The following OLFM3 variants were observed in gnomAD, a reference collection of about 807,000 sequenced individuals.
OLFM3 encodes the protein olfactomedin 3.
Under a neutral mutation model 48.6 loss-of-function variants are expected in OLFM3, and 20 were observed. The ratio of observed to expected loss-of-function variants is 0.41; its 90% CI spans 0.29 to 0.60. The LOEUF (loss-of-function observed/expected upper bound fraction) is 0.60, where lower values mean the gene tolerates loss of function less well. Ranked by LOEUF, OLFM3 falls within the 20% of genes least tolerant of loss-of-function variation. The pLI is 0.28. For synonymous variants in OLFM3, 222 were observed against 198.1 expected, an observed-to-expected ratio of 1.12 and a Z score of -1.01; for missense variants, 437 against 544.3, an observed-to-expected ratio of 0.80 and a Z score of 1.96.
At chr1:101,970,512 C>T (rs1660752099) in intron 1 of OLFM3, among the ~76,000 whole-genome samples, 1 of 152,138 alleles carries the variant, frequency 6.6e-6, no homozygotes, top group South Asian at 2.1e-4. Context: ...ATCTTTTCCC[C>T]CTTCTTTCCT....
chr1:101,813,883 C>T (rs1654199461), intron 4 of OLFM3, among the ~76,000 whole-genome samples: 1 of 152,072 alleles, frequency 6.6e-6, no homozygotes, highest in Admixed American at 6.6e-5. Flanking sequence ...GTTAATGTCC[C>T]AAAGCATTAA....
At chr1:101,807,796 A>G (rs1653851243) in intron 4 of OLFM3, among the ~76,000 whole-genome samples, 1 of 151,818 alleles carries the variant, frequency 6.6e-6, no homozygotes, top group Non-Finnish European at 1.5e-5. Flanking sequence ...TCAAATCAGT[A>G]AAACTGGACC....
chr1:101,921,669 A>AT, intron 1 of OLFM3, among the ~76,000 whole-genome samples: 1 of 152,306 alleles, frequency 6.6e-6, no homozygotes, highest in South Asian at 2.1e-4. Context: ...TTACAACAAA[A>AT]TTTTTTGAGC....
chr1:101,911,651 C>T (rs1658763420), intron 1 of OLFM3, among the ~76,000 whole-genome samples: 1 of 152,158 alleles, frequency 6.6e-6, no homozygotes, highest in Non-Finnish European at 1.5e-5. Context: ...ATGAGCTTTA[C>T]ACATACAGTT....
Position 101,996,889 on chromosome 1 carries a change from C to T in OLFM3, c.-73G>A. 6.7e-7 allele frequency: 1 copy of T among 1,494,264 alleles called. No individual in the cohort carries two copies. 92.6% of individuals were successfully genotyped at this position (1,494,264 alleles called of 1,614,324 possible). ...CCACTCACTGCAGAGACCTTTCCCTCGTCAGTTGCACTTTCTGCCTGCCAG... is the reference window on the plus strand; with the variant it reads ...CCACTCACTGCAGAGACCTTTCCCTTGTCAGTTGCACTTTCTGCCTGCCAG... On this transcript the variant is annotated 5_prime_UTR_variant, in exon 1 of 6. Coordinates refer to ENST00000370103, the MANE Select transcript of OLFM3 (RefSeq NM_058170.4).
chr1:101,958,385 T>C (rs980933969), intron 1 of OLFM3, among the ~76,000 whole-genome samples: 3 of 152,112 alleles, frequency 2.0e-5, no homozygotes, highest in Admixed American at 6.6e-5. Context: ...ACTGATGTTA[T>C]TGATCCTGTT....
chr1:101,853,193 C>G (rs1289370327), intron 1 of OLFM3, among the ~76,000 whole-genome samples: 2 of 152,026 alleles, frequency 1.3e-5, no homozygotes, highest in Admixed American at 6.6e-5. Context: ...CAGCTCTCCC[C>G]TTTGTTAACT....
chr1:101,835,639 T>C lies in OLFM3; in HGVS notation c.216+1240A>G, dbSNP rs374323304. 3.9e-5 allele frequency among the ~76,000 whole-genome samples: 6 copies of C among 152,166 alleles called. No individual in the cohort carries two copies. In the South Asian group the frequency reaches 1.0e-3, roughly 26 times the overall value. ...CTTGTCATGGTTTCTAATAGTTAGA[T>C]GCATGTTAGCTGAAGTCATTATTCT... On this transcript the variant is annotated intron_variant, in intron 2 of 5. Coordinates refer to ENST00000370103, the MANE Select transcript of OLFM3 (RefSeq NM_058170.4).
chr1:101,834,465 C>G (rs1454196874), intron 2 of OLFM3, among the ~76,000 whole-genome samples: 1 of 152,132 alleles, frequency 6.6e-6, no homozygotes. Context: ...GCTTAAAGGT[C>G]ATGCTCTTGT....
At position 101,996,873 on chromosome 1, in the gene OLFM3, G is replaced by C; in HGVS notation, c.-57C>G. 1 of 1,558,400 alleles carries C rather than the reference G, an allele frequency of 6.4e-7. No homozygotes were observed. ...CTTTTATGTAGGCTCTCCACTCACTGCAGAGACCTTTCCCTCGTCAGTTGC... is the reference window on the plus strand; with the variant it reads ...CTTTTATGTAGGCTCTCCACTCACTCCAGAGACCTTTCCCTCGTCAGTTGC... On this transcript the variant is annotated 5_prime_UTR_variant, in exon 1 of 6. Transcript: ENST00000370103.
intron 1 of OLFM3, among the ~76,000 whole-genome samples, chr1:101,943,566 A>T (rs1248557414): frequency 6.6e-6 from 1 of 152,224 alleles, no homozygotes; most frequent in Admixed American, 6.5e-5. Flanking sequence ...AATTAGAGAG[A>T]AACGTGATGA....
intron 1 of OLFM3, among the ~76,000 whole-genome samples, chr1:101,858,005 C>T (rs1570568211): frequency 6.6e-6 from 1 of 152,018 alleles, no homozygotes; most frequent in Non-Finnish European, 1.5e-5. Context: ...TCACAATTTA[C>T]ATTTTATTGC....
At chr1:101,862,955 T>C (rs1009745827) in intron 1 of OLFM3, among the ~76,000 whole-genome samples, 3 of 152,058 alleles carry the variant, frequency 2.0e-5, no homozygotes, top group African/African-American at 7.2e-5. Context: ...TCAAGTTGAA[T>C]ACCTTCAGTA....
intron 1 of OLFM3, among the ~76,000 whole-genome samples, chr1:101,934,982 G>A (rs987378177): frequency 1.3e-5 from 2 of 151,928 alleles, no homozygotes; most frequent in African/African-American, 4.8e-5. Context: ...TTAAGAGGGG[G>A]AGTTTATGGC....
chr1:101,866,474 C>T (rs1268789911), intron 1 of OLFM3, among the ~76,000 whole-genome samples: 2 of 151,696 alleles, frequency 1.3e-5, no homozygotes, highest in East Asian at 3.9e-4. Context: ...TGATTAGTAC[C>T]TTAATTTAAA....
intron 1 of OLFM3, among the ~76,000 whole-genome samples, chr1:101,838,538 T>C (rs9324336): frequency 0.34 from 51,806 of 152,116 alleles, 9,011 homozygotes; most frequent in Admixed American, 0.44. Flanking sequence ...AGTTACCACA[T>C]GTAGACTTGA....
intron 1 of OLFM3, among the ~76,000 whole-genome samples, chr1:101,844,329 G>A (rs985764328): frequency 1.3e-5 from 2 of 152,158 alleles, no homozygotes; most frequent in Non-Finnish European, 2.9e-5. Context: ...AAAGGATGAA[G>A]GTGTTGGTGT....
intron 1 of OLFM3, among the ~76,000 whole-genome samples, chr1:101,952,723 T>G (rs1283249619): frequency 2.0e-5 from 3 of 152,118 alleles, no homozygotes; most frequent in Non-Finnish European, 4.4e-5. Flanking sequence ...CAATGAGCAT[T>G]CATTCCATTG....
At chr1:101,897,316 A>G (rs1658240971) in intron 1 of OLFM3, among the ~76,000 whole-genome samples, 1 of 152,232 alleles carries the variant, frequency 6.6e-6, no homozygotes, top group African/African-American at 2.4e-5. Flanking sequence ...ATTATACTGT[A>G]CTTATAACAA....
Sources: allele counts gnomAD v4.1 joint callset (sites outside exome capture counted in the v4.1 genomes callset), GRCh38; gene constraint gnomAD v4.1.1; transcripts MANE v1.5; gene names NCBI Gene and HGNC (gene_info 2026-07-23, HGNC 2026-07-21).